The following MPHOSPH9 variants were observed in gnomAD, a reference collection of about 807,000 sequenced individuals.
MPHOSPH9 encodes the protein M-phase phosphoprotein 9.
Under a neutral mutation model 145.5 loss-of-function variants are expected in MPHOSPH9, and 88 were observed. The observed-to-expected ratio is 0.60, with a 90% CI of 0.51 to 0.72. The LOEUF is 0.72. MPHOSPH9 is among the 30% of genes least tolerant of loss of function. MPHOSPH9 has a pLI of 0.00. For synonymous variants in MPHOSPH9, 435 were observed against 486.2 expected (o/e 0.89, Z 1.39); for missense variants, 1,238 against 1,386.6 (o/e 0.89, Z 1.70).
chr12:123,212,450 G>A (rs1035728340), intron 7 of MPHOSPH9, among the ~76,000 whole-genome samples: 1 of 152,108 alleles, frequency 6.6e-6, no homozygotes, highest in African/African-American at 2.4e-5. Flanking sequence ...AGCACTTTGG[G>A]AGGCTGAGGC....
At chr12:123,153,894 A>T (rs2043815131), downstream of MPHOSPH9, among the ~76,000 whole-genome samples, 1 of 149,998 alleles carries the variant, frequency 6.7e-6, no homozygotes, top group Non-Finnish European at 1.5e-5. Flanking sequence ...TAATGAAAGG[A>T]GTTTTCTTAT....
At position 123,206,709 on chromosome 12, in the gene MPHOSPH9, C is replaced by T. The variant is rs11057191; in HGVS notation, c.1195-3334G>A. Among the ~76,000 whole-genome samples, 627 of 150,598 alleles carry T rather than the reference C, an allele frequency of 4.2e-3. 3 individuals are homozygous for T. The highest frequency in any genetic ancestry group is 0.039 in the East Asian group (197 of 5,076). ...CAGGTGGGTCACAAGGTCAGGAGAT[C>T]GAGACCATCTTGGCCAACATGGTGG... On this transcript the variant is annotated intron_variant, in intron 8 of 23. Coordinates refer to ENST00000606320, the MANE Select transcript of MPHOSPH9 (RefSeq NM_022782.4).
intron 4 of MPHOSPH9, 26 bp from the exon 5 acceptor site, chr12:123,221,921 G>A: frequency 3.1e-6 from 4 of 1,289,428 alleles, no homozygotes; most frequent in Non-Finnish European, 2.1e-6. Flanking sequence ...TATAGATTTG[G>A]GTAAGAAAGT....
intron 8 of MPHOSPH9, among the ~76,000 whole-genome samples, chr12:123,206,147 C>G (rs910523944): frequency 6.6e-6 from 1 of 151,946 alleles, no homozygotes; most frequent in Non-Finnish European, 1.5e-5. Context: ...AAACTAACAC[C>G]AAGGTGAAGA....
chr12:123,223,161 A>G, intron 3 of MPHOSPH9, 34 bp from the exon 4 acceptor site: 1 of 1,235,778 alleles, frequency 8.1e-7, no homozygotes, highest in Non-Finnish European at 1.0e-6. Context: ...GTTAAAAATA[A>G]TTTTTTGACT....
At chr12:123,212,457 A>AGGTG (rs2046769704) in intron 7 of MPHOSPH9, among the ~76,000 whole-genome samples, 23 of 151,732 alleles carry the variant, frequency 1.5e-4, no homozygotes, top group Admixed American at 1.5e-3. Flanking sequence ...TGGGAGGCTG[A>AGGTG]GGCGGGCAGA....
At chr12:123,227,157 A>G (rs1165572641) in intron 3 of MPHOSPH9, among the ~76,000 whole-genome samples, 1 of 152,238 alleles carries the variant, frequency 6.6e-6, no homozygotes, top group African/African-American at 2.4e-5. Flanking sequence ...TACTGACAAC[A>G]TTACAATTAG....
At chr12:123,210,199 GA>G in intron 7 of MPHOSPH9, 37 bp from the exon 8 acceptor site, 4 of 1,254,664 alleles carry the variant, frequency 3.2e-6, no homozygotes, top group South Asian at 3.1e-5. Context: ...AAAAGAGTGA[GA>G]AAAAAACAAA....
chr12:123,153,577 G>C (rs191187593), downstream of MPHOSPH9, among the ~76,000 whole-genome samples: 3 of 152,146 alleles, frequency 2.0e-5, no homozygotes, highest in Non-Finnish European at 4.4e-5. Context: ...GACCAGGATG[G>C]CCAACATGGT....
At chr12:123,187,554 T>C (rs1271641308) in intron 13 of MPHOSPH9, among the ~76,000 whole-genome samples, 4 of 151,970 alleles carry the variant, frequency 2.6e-5, no homozygotes, top group African/African-American at 9.7e-5. Context: ...GGCAAAATAA[T>C]TTTTACAAGA....
rs749967928 is a variant in MPHOSPH9, at chr12:123,161,388, C to G, written c.3134-5G>C. On this transcript the variant is annotated splice_region_variant and splice_polypyrimidine_tract_variant and intron_variant, in intron 21 of 23. Coordinates refer to ENST00000606320, the MANE Select transcript of MPHOSPH9 (RefSeq NM_022782.4). Reference sequence around the variant, plus strand: ...CTTTCTCAGAATAAGTTTTTTCTGTCAGAGAGGAGAGAAATTGCTTATATT... The same window carrying G: ...CTTTCTCAGAATAAGTTTTTTCTGTGAGAGAGGAGAGAAATTGCTTATATT... 13 of 1,613,330 alleles carry G rather than the reference C, an allele frequency of 8.1e-6. No individual in the cohort carries two copies. Among genetic ancestry groups the G allele is most frequent in the Non-Finnish European group, 1.1e-5 (13 of 1,179,672 alleles).
chr12:123,177,082 C>T (rs1056430324), intron 15 of MPHOSPH9, among the ~76,000 whole-genome samples: 1 of 151,956 alleles, frequency 6.6e-6, no homozygotes, highest in African/African-American at 2.4e-5. Flanking sequence ...CCCAGCTACT[C>T]GGGGGGCTGA....
At chr12:123,171,281 C>T (rs2044568420) in intron 16 of MPHOSPH9, among the ~76,000 whole-genome samples, 1 of 150,898 alleles carries the variant, frequency 6.6e-6, no homozygotes, top group South Asian at 2.1e-4. Flanking sequence ...AGGTAAAACC[C>T]CGTCTCTACT....
chr12:123,183,352 A>T (rs2138126592), intron 13 of MPHOSPH9, among the ~76,000 whole-genome samples: 1 of 152,068 alleles, frequency 6.6e-6, no homozygotes, highest in Middle Eastern at 3.4e-3. Context: ...GTTCAAGACC[A>T]GCCTGGCTAA....
chr12:123,190,377 C>T (rs1298787651), intron 13 of MPHOSPH9, among the ~76,000 whole-genome samples: 3 of 152,080 alleles, frequency 2.0e-5, no homozygotes, highest in African/African-American at 7.2e-5. Context: ...TGGTCTTGAT[C>T]TCCTGACTCT....
chr12:123,166,469 C>T (rs2044324671), intron 17 of MPHOSPH9, 186 bp downstream of exon 17: 4 of 694,610 alleles, frequency 5.8e-6, no homozygotes, highest in South Asian at 1.8e-5. Flanking sequence ...GGTGGGGAAG[C>T]TTGGCAGAGC....
In MPHOSPH9 at chr12:123,163,137, A is replaced by G; in HGVS notation, c.2909-3T>C. On this transcript the variant is annotated splice_region_variant and splice_polypyrimidine_tract_variant and intron_variant, in intron 19 of 23. Transcript: ENST00000606320. ...TGTTAGCATAATCTCTCTTTTTGCT[A>G]TAGAAGAAAATGAAGAGGAAATATT... The G allele has an allele frequency of 1.3e-6, 2 of 1,572,258 alleles. No homozygotes were observed. Among genetic ancestry groups the G allele is most frequent in the Non-Finnish European group, 1.7e-6 (2 of 1,166,498 alleles).
chr12:123,157,986 A>T (rs1055165108), intron 23 of MPHOSPH9, among the ~76,000 whole-genome samples: 6 of 149,342 alleles, frequency 4.0e-5, no homozygotes, highest in South Asian at 2.1e-4. Context: ...CTTTTATTTT[A>T]TTTTTTTTTT....
At chr12:123,167,119 G>A (rs1286465672) in intron 16 of MPHOSPH9, among the ~76,000 whole-genome samples, 5 of 152,122 alleles carry the variant, frequency 3.3e-5, no homozygotes, top group Non-Finnish European at 7.4e-5. Flanking sequence ...GAAGGAAGCA[G>A]GGCTGCCCTT....
Sources: gnomAD v4.1 joint callset for allele counts (sites outside exome capture counted in the v4.1 genomes callset) on GRCh38, gnomAD v4.1.1 for gene constraint, MANE v1.5 for transcripts, NCBI Gene and HGNC (gene_info 2026-07-23, HGNC 2026-07-21) for gene names.